CNTN5: variants seen among roughly 807,000 people sequenced by gnomAD.
CNTN5 encodes contactin-5.
CNTN5 carries 77 observed loss-of-function variants against 129.1 expected under a neutral mutation model. The observed-to-expected ratio is 0.60, with a 90% confidence interval of 0.50 to 0.72. The LOEUF (loss-of-function observed/expected upper bound fraction) is 0.72, where lower values mean the gene tolerates loss of function less well. Ranked by LOEUF, CNTN5 falls within the 30% of genes least tolerant of loss-of-function variation. The pLI, the probability that CNTN5 is intolerant of heterozygous loss-of-function variation, is 0.00. For synonymous variants in CNTN5, 509 were observed against 465.6 expected, an observed-to-expected ratio of 1.09 and a Z score of -1.20; for missense variants, 1,478 against 1,328.8, an observed-to-expected ratio of 1.11 and a Z score of -1.75.
intron 3 of CNTN5, among the ~76,000 whole-genome samples, chr11:99,727,138 C>G (rs977492152): frequency 4.0e-5 from 6 of 148,660 alleles, no homozygotes; most frequent in Admixed American, 2.7e-4. Flanking sequence ...AACCCCGTCT[C>G]TACTAAAAAT....
chr11:99,285,392 G>A (rs538770978), intron 1 of CNTN5, among the ~76,000 whole-genome samples: 11 of 152,184 alleles, frequency 7.2e-5, no homozygotes, highest in African/African-American at 2.4e-4. Flanking sequence ...TCAGCCACGG[G>A]TATCTGGATA....
intron 4 of CNTN5, among the ~76,000 whole-genome samples, chr11:99,825,314 T>G (rs1051358868): frequency 1.3e-5 from 2 of 152,016 alleles, no homozygotes; most frequent in African/African-American, 4.8e-5. Flanking sequence ...ATTTCTTTTG[T>G]GATTACCATT....
chr11:99,467,845 A>G (rs975482040), intron 2 of CNTN5, among the ~76,000 whole-genome samples: 2 of 151,934 alleles, frequency 1.3e-5, no homozygotes, highest in East Asian at 1.9e-4. Context: ...ATATCTTACC[A>G]TATTTTCATT....
In CNTN5 at chr11:99,032,863, A is replaced by T. The variant is rs1863469925; in HGVS notation, c.-210+11593A>T. ...TGTCCATGCCTATGTCCTGAATGGT[A>T]TTGCCTAGGTTTTCTTCTAGGGTTT... On this transcript the variant is annotated intron_variant, in intron 1 of 24. Transcript: ENST00000524871. Among the ~76,000 whole-genome samples the T allele has an allele frequency of 2.8e-5, 4 of 144,132 alleles. No homozygotes were observed. The South Asian group carries it at 8.7e-4, about 31-fold the overall frequency. The allele number at this position is 144,132 out of a possible 152,430, so 94.6% of individuals were successfully genotyped here.
chr11:99,174,394 T>C (rs12791641), intron 1 of CNTN5, among the ~76,000 whole-genome samples: 29,434 of 152,176 alleles, frequency 0.19, 3,076 homozygotes, highest in Non-Finnish European at 0.23. Flanking sequence ...AAGACTATTA[T>C]AAGATAATGC....
chr11:100,092,789 G>GA (rs1471804890), intron 13 of CNTN5, among the ~76,000 whole-genome samples: 1 of 108,148 alleles, frequency 9.2e-6, no homozygotes, highest in Non-Finnish European at 2.1e-5. Context: ...AGGCGGAGGT[G>GA]GGGTGCAGTA....
chr11:99,650,679 C>G (rs1050454877), intron 3 of CNTN5, among the ~76,000 whole-genome samples: 1 of 151,914 alleles, frequency 6.6e-6, no homozygotes, highest in Admixed American at 6.6e-5. Flanking sequence ...TGGAAGTACA[C>G]TGGCAATCTC....
intron 2 of CNTN5, among the ~76,000 whole-genome samples, chr11:99,359,846 A>G (rs1404752698): frequency 6.6e-6 from 1 of 152,068 alleles, no homozygotes; most frequent in East Asian, 1.9e-4. Context: ...AAAAGGAGGA[A>G]ATCAGAAGGA....
rs554472402 is a variant in CNTN5 at position 99,047,440 on chromosome 11, G to A, written c.-210+26170G>A. Among the ~76,000 whole-genome samples, 173 of 150,200 alleles carry A rather than the reference G, an allele frequency of 1.2e-3. 1 individual carries two copies. In the South Asian group the frequency reaches 0.013, roughly 11 times the overall value. ...ATGGCGTGTGTCTTTCAAAATAAGG[G>A]CATTTAAATTGAAATTATAAAATAT... is the stretch of plus-strand genomic sequence containing the variant. On this transcript the variant is annotated intron_variant, in intron 1 of 24. Transcript: ENST00000524871.
chr11:99,730,079 A>T (rs1042654650), intron 3 of CNTN5, among the ~76,000 whole-genome samples: 1 of 152,168 alleles, frequency 6.6e-6, no homozygotes, highest in Non-Finnish European at 1.5e-5. Flanking sequence ...ATTAAATGAG[A>T]GGGCTAAGAT....
chr11:99,101,040 C>T (rs550952621), intron 1 of CNTN5, among the ~76,000 whole-genome samples: 1 of 152,292 alleles, frequency 6.6e-6, no homozygotes, highest in South Asian at 2.1e-4. Context: ...CACAGCTCCA[C>T]ATGGCTGGGG....
intron 8 of CNTN5, among the ~76,000 whole-genome samples, chr11:99,969,020 G>C (rs1951176563): frequency 6.6e-6 from 1 of 151,938 alleles, no homozygotes. Flanking sequence ...GACGATTTTT[G>C]AATAAGATGA....
At chr11:99,646,910 G>C (rs1482440839) in intron 3 of CNTN5, among the ~76,000 whole-genome samples, 2 of 150,332 alleles carry the variant, frequency 1.3e-5, no homozygotes, top group African/African-American at 4.9e-5. Context: ...TGAGATGTTT[G>C]TGTTCCTTAC....
intron 2 of CNTN5, among the ~76,000 whole-genome samples, chr11:99,479,312 ATAATT>A (rs1345833673): frequency 2.0e-5 from 3 of 151,914 alleles, no homozygotes; most frequent in Non-Finnish European, 2.9e-5. Context: ...ATTATGAAAG[ATAATT>A]TAATTTAAAT....
At chr11:99,408,355 A>G (rs894105835) in intron 2 of CNTN5, among the ~76,000 whole-genome samples, 34 of 148,028 alleles carry the variant, frequency 2.3e-4, no homozygotes, top group African/African-American at 8.3e-4. Flanking sequence ...ACATGCCACT[A>G]CACCAGGCTA....
At chr11:99,985,577 C>G (rs1406129163) in intron 8 of CNTN5, among the ~76,000 whole-genome samples, 2 of 152,096 alleles carry the variant, frequency 1.3e-5, no homozygotes, top group Non-Finnish European at 2.9e-5. Flanking sequence ...AGAGGGCAGA[C>G]AGGAATAGAA....
intron 3 of CNTN5, among the ~76,000 whole-genome samples, chr11:99,606,668 G>A (rs1197966721): frequency 7.5e-6 from 1 of 133,228 alleles, no homozygotes; most frequent in Non-Finnish European, 1.7e-5. Context: ...GATCAAAGCT[G>A]GAGACATCAC....
intron 1 of CNTN5, among the ~76,000 whole-genome samples, chr11:99,165,290 T>C (rs1460516367): frequency 1.3e-5 from 2 of 152,176 alleles, no homozygotes; most frequent in Non-Finnish European, 2.9e-5. Flanking sequence ...AAAAGAGTCA[T>C]TCACTAAATT....
chr11:99,704,775 C>T (rs1473727087), intron 3 of CNTN5, among the ~76,000 whole-genome samples: 1 of 151,114 alleles, frequency 6.6e-6, no homozygotes, highest in African/African-American at 2.4e-5. Context: ...TCTGTTTTCA[C>T]AGAGGAAAAA....
Sources: gnomAD v4.1 joint callset for allele counts (sites outside exome capture counted in the v4.1 genomes callset) on GRCh38, gnomAD v4.1.1 for gene constraint, MANE v1.5 for transcripts, NCBI Gene and HGNC (gene_info 2026-07-23, HGNC 2026-07-21) for gene names.